The following ZNF423 variants were observed in gnomAD, a reference collection of about 807,000 sequenced individuals.
The protein encoded by ZNF423 is zinc finger protein 423, also known as Ebf-associated zinc finger protein.
Under a neutral mutation model 95.8 loss-of-function variants are expected in ZNF423, and 12 were observed. That is an observed-to-expected ratio of 0.13 (90% CI 0.08 to 0.20). The LOEUF (loss-of-function observed/expected upper bound fraction) is 0.20, where lower values mean the gene tolerates loss of function less well. ZNF423 is among the 10% of genes least tolerant of loss of function. The pLI is 1.00. For missense variants in ZNF423, 1,316 were observed against 1,737.1 expected (o/e 0.76, Z 4.31); for synonymous variants, 749 against 711.9 (o/e 1.05, Z -0.83).
Position 49,488,034 on chromosome 16 carries a change from C to T in ZNF423, c.*3241G>A, listed in dbSNP as rs1419305054. The T allele has an allele frequency of 1.3e-5, 2 of 152,246 alleles. No individual in the cohort carries two copies. Among genetic ancestry groups the T allele is most frequent in the Non-Finnish European group, 2.9e-5 (2 of 68,050 alleles). 9.4% of individuals were successfully genotyped at this position (152,246 alleles called of 1,614,324 possible). ...CAGGGACCACATCTGCTGGTCATCTCCTTATCCCCAGTGCCCTGTGCAGTG... is the reference window on the plus strand; with the variant it reads ...CAGGGACCACATCTGCTGGTCATCTTCTTATCCCCAGTGCCCTGTGCAGTG... On this transcript the variant is annotated 3_prime_UTR_variant, in exon 8 of 8. Coordinates refer to ENST00000563137, the MANE Select transcript of ZNF423 (RefSeq NM_001379286.1).
chr16:49,607,347 C>T (rs1674535181), intron 5 of ZNF423, among the ~76,000 whole-genome samples: 1 of 152,134 alleles, frequency 6.6e-6, no homozygotes, highest in Admixed American at 6.5e-5. Flanking sequence ...GGACTGAGGA[C>T]CTCAACTTCA....
upstream of ZNF423, among the ~76,000 whole-genome samples, chr16:49,857,249 G>A (rs1232322321): frequency 6.7e-6 from 1 of 149,688 alleles, no homozygotes; most frequent in African/African-American, 2.4e-5. The surrounding 1 kb of genome is among the most constrained non-coding windows in gnomAD (Gnocchi z 6.2). Flanking sequence ...CAACAGCACC[G>A]AGCGATGGAC....
chr16:49,626,315 A>G, intron 4 of ZNF423, 61 bp from the exon 5 acceptor site: 4 of 1,546,182 alleles, frequency 2.6e-6, no homozygotes, highest in South Asian at 1.1e-5. Context: ...AGGAGAAAGC[A>G]AAAGTTCCTA....
intron 2 of ZNF423, among the ~76,000 whole-genome samples, chr16:49,768,471 A>G (rs2033971123): frequency 6.6e-6 from 1 of 152,196 alleles, no homozygotes; most frequent in Non-Finnish European, 1.5e-5. Context: ...GTCACGGCAC[A>G]TGTACTCCCA....
chr16:49,808,894 C>T (rs939190990), intron 1 of ZNF423, among the ~76,000 whole-genome samples: 10 of 152,142 alleles, frequency 6.6e-5, no homozygotes, highest in African/African-American at 1.7e-4. Flanking sequence ...CACCAGGCTG[C>T]GGCAAGGCTC....
At position 49,576,197 on chromosome 16, in the gene ZNF423, C is replaced by A. The variant is rs1425333232; in HGVS notation, c.3601+49973G>T. 2.0e-5 allele frequency among the ~76,000 whole-genome samples: 3 copies of A among 152,196 alleles called. No homozygotes were observed. The East Asian group carries it at 5.8e-4, about 29-fold the overall frequency. Reference sequence around the variant, plus strand: ...GGCCCTCATCATATTTCCTGCTGCCCGCATTGACCACTTACTGTATACCAA... The same window carrying A: ...GGCCCTCATCATATTTCCTGCTGCCAGCATTGACCACTTACTGTATACCAA... On this transcript the variant is annotated intron_variant, in intron 5 of 7. Transcript: ENST00000563137.
intron 5 of ZNF423, among the ~76,000 whole-genome samples, chr16:49,541,332 A>G (rs1969237910): frequency 6.6e-6 from 1 of 152,248 alleles, no homozygotes; most frequent in South Asian, 2.1e-4. Context: ...CTAAAAAGGC[A>G]GACTAACAAT....
intron 7 of ZNF423, among the ~76,000 whole-genome samples, chr16:49,497,354 G>A (rs536847480): frequency 1.1e-4 from 17 of 152,332 alleles, no homozygotes; most frequent in African/African-American, 4.1e-4. Context: ...CTCCCGTGAG[G>A]AGCTCACAAT....
At chr16:49,723,925 G>C (rs1171117444) in intron 3 of ZNF423, among the ~76,000 whole-genome samples, 1 of 152,180 alleles carries the variant, frequency 6.6e-6, no homozygotes, top group Non-Finnish European at 1.5e-5. Context: ...TTCCGCTCCA[G>C]AGCAATCTGA....
chr16:49,718,321 G>C (rs2032766939), intron 3 of ZNF423, among the ~76,000 whole-genome samples: 1 of 152,162 alleles, frequency 6.6e-6, no homozygotes, highest in African/African-American at 2.4e-5. Context: ...CAGGAGAATT[G>C]CTTGAACCAA....
intron 5 of ZNF423, among the ~76,000 whole-genome samples, chr16:49,536,589 T>G (rs1032872844): frequency 1.3e-5 from 2 of 151,976 alleles, no homozygotes; most frequent in Non-Finnish European, 2.9e-5. Flanking sequence ...ACTGCCAGAG[T>G]GCACCACCAG....
chr16:49,761,838 G>A (rs146784962), intron 2 of ZNF423, among the ~76,000 whole-genome samples: 2 of 152,340 alleles, frequency 1.3e-5, no homozygotes, highest in Non-Finnish European at 2.9e-5. Flanking sequence ...AAGAGAGAGA[G>A]ACAGGGTCTC....
chr16:49,554,212 A>G (rs137858974), intron 5 of ZNF423, among the ~76,000 whole-genome samples: 3 of 152,284 alleles, frequency 2.0e-5, no homozygotes, highest in Non-Finnish European at 4.4e-5. Flanking sequence ...TCAAACCAGG[A>G]GTTTGAAGCA....
chr16:49,790,644 G>C (rs149444441), intron 1 of ZNF423, among the ~76,000 whole-genome samples: 2 of 152,368 alleles, frequency 1.3e-5, no homozygotes, highest in Admixed American at 1.3e-4. Context: ...GCCACCTTGC[G>C]AGTGGAGCAA....
At chr16:49,498,259 C>A (rs565174937) in intron 7 of ZNF423, among the ~76,000 whole-genome samples, 1 of 152,206 alleles carries the variant, frequency 6.6e-6, no homozygotes, top group Non-Finnish European at 1.5e-5. Context: ...AAAACTGAGG[C>A]GCAGAGAGGC....
intron 3 of ZNF423, among the ~76,000 whole-genome samples, chr16:49,663,172 C>T (rs987074385): frequency 6.6e-5 from 10 of 152,206 alleles, no homozygotes; most frequent in Admixed American, 1.3e-4. Flanking sequence ...AGCAACACCA[C>T]GCAGGATTGG....
intron 5 of ZNF423, among the ~76,000 whole-genome samples, chr16:49,543,071 G>A (rs894107501): frequency 1.3e-5 from 2 of 152,148 alleles, no homozygotes; most frequent in Non-Finnish European, 2.9e-5. Flanking sequence ...ATGCTAATTT[G>A]ACATAGAGGA....
chr16:49,511,197 A>C (rs1180477374), intron 7 of ZNF423, among the ~76,000 whole-genome samples: 1 of 152,214 alleles, frequency 6.6e-6, no homozygotes, highest in Non-Finnish European at 1.5e-5. Flanking sequence ...TGTGGTGACC[A>C]GGGAGAAGCC....
chr16:49,504,020 T>C (rs573094820), intron 7 of ZNF423, among the ~76,000 whole-genome samples: 1 of 152,318 alleles, frequency 6.6e-6, no homozygotes, highest in East Asian at 1.9e-4. Flanking sequence ...TATTATATGA[T>C]TTCTCTTGTA....
Sources: gnomAD v4.1 joint callset for allele counts (sites outside exome capture counted in the v4.1 genomes callset) on GRCh38, gnomAD v4.1.1 for gene constraint, Gnocchi (gnomAD v3.1) non-coding constraint, MANE v1.5 for transcripts, NCBI Gene and HGNC (gene_info 2026-07-23, HGNC 2026-07-21) for gene names.